Variants in KCNN2 observed in about 807,000 individuals in gnomAD.
KCNN2 encodes the protein small conductance calcium-activated potassium channel protein 2.
A neutral mutation model predicts 55.5 loss-of-function variants in KCNN2; 24 were observed. The ratio of observed to expected loss-of-function variants is 0.43; its 90% CI spans 0.31 to 0.61. The LOEUF (loss-of-function observed/expected upper bound fraction) is 0.61, where lower values mean the gene tolerates loss of function less well. Among genes scored for constraint, KCNN2 ranks in the 20% least tolerant of loss-of-function variants. KCNN2 has a pLI of 0.08. For synonymous variants in KCNN2, 431 were observed against 336.1 expected, an observed-to-expected ratio of 1.28 and a Z score of -3.09; for missense variants, 754 against 853.6, an observed-to-expected ratio of 0.88 and a Z score of 1.45.
At chr5:114,195,654 A>C (rs1753540641) in intron 1 of KCNN2, among the ~76,000 whole-genome samples, 1 of 151,902 alleles carries the variant, frequency 6.6e-6, no homozygotes, top group Non-Finnish European at 1.5e-5. Context: ...TTTCATTTTC[A>C]ATCTGGATGC....
intron 1 of KCNN2, among the ~76,000 whole-genome samples, chr5:114,164,747 T>A (rs1023405069): frequency 6.6e-6 from 1 of 152,180 alleles, no homozygotes; most frequent in Non-Finnish European, 1.5e-5. Context: ...TCCTATAAGT[T>A]GTAGAACAAC....
chr5:114,240,544 G>A (rs148962177), intron 2 of KCNN2, among the ~76,000 whole-genome samples: 379 of 149,900 alleles, frequency 2.5e-3, no homozygotes, highest in African/African-American at 8.9e-3. Flanking sequence ...CAATTCTTGT[G>A]TCTTAGCCTC....
Position 114,425,826 on chromosome 5 carries a change from C to T in KCNN2, c.1637+20970C>T, listed in dbSNP as rs545645726. Among the ~76,000 whole-genome samples, 7 of 152,236 alleles carry T rather than the reference C, an allele frequency of 4.6e-5. No individual in the cohort carries two copies. In the South Asian group the frequency reaches 1.5e-3, roughly 32 times the overall value. On this transcript the variant is annotated intron_variant, in intron 3 of 7. Coordinates refer to ENST00000673685, the MANE Select transcript of KCNN2 (RefSeq NM_021614.4). The stretch of plus-strand genomic sequence containing the variant: ...TGTAATTGCCTTCCACCTTGGCTCC[C>T]TGTGGCCATCCCTGTTCCCATGGTC...
chr5:114,382,327 T>C (rs1009817514), intron 2 of KCNN2, among the ~76,000 whole-genome samples: 1 of 152,204 alleles, frequency 6.6e-6, no homozygotes, highest in African/African-American at 2.4e-5. Flanking sequence ...ACCTCTTTCC[T>C]TTCTGTGATA....
At chr5:114,246,599 C>A (rs1389727571) in intron 2 of KCNN2, among the ~76,000 whole-genome samples, 1 of 151,892 alleles carries the variant, frequency 6.6e-6, no homozygotes, top group African/African-American at 2.4e-5. Flanking sequence ...TGGTATCGTA[C>A]TTTTAGAGCT....
chr5:114,321,984 A>G (rs935319948), intron 2 of KCNN2, among the ~76,000 whole-genome samples: 1 of 152,204 alleles, frequency 6.6e-6, no homozygotes, highest in Non-Finnish European at 1.5e-5. Context: ...GTGAAGATGT[A>G]TTTAGCTTCT....
chr5:114,125,212 G>A (rs1341271518), intron 1 of KCNN2, among the ~76,000 whole-genome samples: 1 of 152,154 alleles, frequency 6.6e-6, no homozygotes, highest in East Asian at 1.9e-4. Flanking sequence ...GTAGGTGTTA[G>A]ACTAAAAGTT....
chr5:114,366,015 T>C (rs1757589117), intron 2 of KCNN2, among the ~76,000 whole-genome samples: 1 of 152,200 alleles, frequency 6.6e-6, no homozygotes, highest in Non-Finnish European at 1.5e-5. Context: ...TTTGAAGTAA[T>C]TCATAGGAGT....
At chr5:114,483,546 G>T (rs1338639853) in intron 5 of KCNN2, among the ~76,000 whole-genome samples, 1 of 152,076 alleles carries the variant, frequency 6.6e-6, no homozygotes, top group Non-Finnish European at 1.5e-5. Flanking sequence ...AAAGTGCTGG[G>T]ATTACAAACA....
intron 3 of KCNN2, among the ~76,000 whole-genome samples, chr5:114,425,235 C>G (rs868067243): frequency 6.6e-6 from 1 of 152,138 alleles, no homozygotes; most frequent in Non-Finnish European, 1.5e-5. Flanking sequence ...TGCATAAATC[C>G]CAAAATACTG....
At chr5:114,264,127 T>G (rs999328422) in intron 2 of KCNN2, among the ~76,000 whole-genome samples, 12 of 152,234 alleles carry the variant, frequency 7.9e-5, no homozygotes, top group African/African-American at 2.2e-4. Context: ...TGATCAATTC[T>G]GTCTTGTAGT....
intron 2 of KCNN2, among the ~76,000 whole-genome samples, chr5:114,380,597 A>G (rs1277219614): frequency 2.0e-5 from 3 of 152,212 alleles, no homozygotes; most frequent in Non-Finnish European, 4.4e-5. Flanking sequence ...ATTCTACTAT[A>G]CTTAGTCCAG....
At chr5:114,439,888 C>T (rs1760145577) in intron 3 of KCNN2, among the ~76,000 whole-genome samples, 1 of 152,130 alleles carries the variant, frequency 6.6e-6, no homozygotes, top group Non-Finnish European at 1.5e-5. Context: ...AAGGCCTACT[C>T]ACATATGCTT....
rs531004952 is a variant in KCNN2, at chr5:114,450,578, C to T, written c.1638-12471C>T. Among the ~76,000 whole-genome samples, 29 of 152,262 alleles carry T rather than the reference C, an allele frequency of 1.9e-4. 1 individual carries two copies. Among genetic ancestry groups the T allele is most frequent in the African/African-American group, 5.8e-4 (24 of 41,548 alleles). ...GCTTGAGAATATAATTCTCTTCAGG[C>T]GTTTTTGCCAAATTCCAAGATTTTC... On this transcript the variant is annotated intron_variant, in intron 3 of 7. Transcript: ENST00000673685.
In KCNN2 at chr5:114,240,436, T is replaced by C. The variant is rs1369234261; in HGVS notation, c.-185+18871T>C. ...TTATATTTTTCTTTCTCTTTTTTTT[T>C]TTTTTTTTTTTTGAGACAAAGTCTC... On this transcript the variant is annotated intron_variant, in intron 2 of 10. Coordinates refer to the KCNN2 transcript ENST00000512097. Among the ~76,000 whole-genome samples, 230 of 138,190 alleles carry C rather than the reference T, an allele frequency of 1.7e-3. 7 individuals carry two copies. The East Asian group carries it at 0.043, about 26-fold the overall frequency. The allele number at this position is 138,190 out of a possible 152,430, so 90.7% of individuals were successfully genotyped here.
chr5:114,097,673 A>G (rs1463628775), intron 1 of KCNN2, among the ~76,000 whole-genome samples: 1 of 152,204 alleles, frequency 6.6e-6, no homozygotes, highest in Non-Finnish European at 1.5e-5. Context: ...AACAAAGCAT[A>G]TAAAGTTCCC....
intron 3 of KCNN2, 101 bp from the exon 4 acceptor site, chr5:114,462,948 T>C: frequency 8.8e-7 from 1 of 1,134,252 alleles, no homozygotes; most frequent in Non-Finnish European, 1.3e-6. Context: ...ATATAGCAGT[T>C]TATAGAAGAT....
chr5:114,491,919 A>G (rs1460232251), intron 6 of KCNN2, among the ~76,000 whole-genome samples: 3 of 152,144 alleles, frequency 2.0e-5, no homozygotes, highest in East Asian at 3.9e-4. Flanking sequence ...TTGTAACCCT[A>G]TTAATTACTG....
chr5:114,416,663 G>T (rs76747065), intron 3 of KCNN2, among the ~76,000 whole-genome samples: 4 of 152,264 alleles, frequency 2.6e-5, no homozygotes, highest in African/African-American at 9.6e-5. Context: ...CTCTGCTCAT[G>T]ATTTAGTCTT....
Sources: gnomAD v4.1 joint callset for allele counts (sites outside exome capture counted in the v4.1 genomes callset) on GRCh38, gnomAD v4.1.1 for gene constraint, MANE v1.5 for transcripts, NCBI Gene and HGNC (gene_info 2026-07-23, HGNC 2026-07-21) for gene names.